The following NLRP14 variants were observed in gnomAD, a reference collection of about 807,000 sequenced individuals.
NLRP14 encodes the protein NLR family pyrin domain containing 14, also known as NACHT, LRR and PYD domains-containing protein 14.
A neutral mutation model predicts 94.7 loss-of-function variants in NLRP14; 105 were observed. The observed-to-expected ratio is 1.11, with a 90% confidence interval of 0.95 to 1.30. NLRP14 has a LOEUF of 1.30. Among genes scored for constraint, NLRP14 ranks in the 50% most tolerant of loss-of-function variants. NLRP14 has a pLI of 0.00. For missense variants in NLRP14, 1,362 were observed against 1,254.1 expected (o/e 1.09, Z -1.30); for synonymous variants, 508 against 459.9 (o/e 1.10, Z -1.34).
At chr11:7,028,707 C>G (rs1852049318) in intron 1 of NLRP14, among the ~76,000 whole-genome samples, 1 of 152,124 alleles carries the variant, frequency 6.6e-6, no homozygotes, top group African/African-American at 2.4e-5. Flanking sequence ...GCTGCCTTAT[C>G]CCATATTAGC....
intron 6 of NLRP14, among the ~76,000 whole-genome samples, chr11:7,055,687 A>G (rs1852506374): frequency 6.6e-6 from 1 of 152,100 alleles, no homozygotes; most frequent in Non-Finnish European, 1.5e-5. Flanking sequence ...TCCTACCCTG[A>G]CCAACTCTCA....
chr11:7,054,585 T>C (rs183333191), intron 6 of NLRP14, among the ~76,000 whole-genome samples: 187 of 152,218 alleles, frequency 1.2e-3, no homozygotes, highest in African/African-American at 4.1e-3. Context: ...GCATATGCCA[T>C]TTGTGTGTCT....
intron 1 of NLRP14, among the ~76,000 whole-genome samples, chr11:7,021,862 G>C (rs994333255): frequency 1.3e-5 from 2 of 151,334 alleles, no homozygotes; most frequent in African/African-American, 4.9e-5. Context: ...ACATTGACCG[G>C]TAAGAACGAA....
chr11:7,030,902 T>C (rs958878538), intron 1 of NLRP14, among the ~76,000 whole-genome samples: 4 of 152,152 alleles, frequency 2.6e-5, no homozygotes, highest in African/African-American at 9.7e-5. Context: ...GGGGATCCTA[T>C]ATTGAACACT....
At position 7,040,336 on chromosome 11, in the gene NLRP14, A is replaced by G. The variant is rs147766537; in HGVS notation, c.361+551A>G. Among the ~76,000 whole-genome samples the G allele has an allele frequency of 2.2e-4, 33 of 152,332 alleles. 1 individual carries two copies. Among genetic ancestry groups the G allele is most frequent in the Middle Eastern group, 3.4e-3 (1 of 294 alleles). On this transcript the variant is annotated intron_variant, in intron 3 of 11. Transcript: ENST00000299481. ...TACCACCTGAGCTTCGCCTCCTGTCAGATCAGCAGCTGCTTTAGTCTCATA... is the reference window on the plus strand; with the variant it reads ...TACCACCTGAGCTTCGCCTCCTGTCGGATCAGCAGCTGCTTTAGTCTCATA...
intron 1 of NLRP14, among the ~76,000 whole-genome samples, chr11:7,029,939 G>C (rs1046421584): frequency 6.6e-6 from 1 of 152,284 alleles, no homozygotes; most frequent in South Asian, 2.1e-4. Flanking sequence ...GTTGCCTAGA[G>C]TGTACATTTT....
intron 1 of NLRP14, among the ~76,000 whole-genome samples, chr11:7,029,793 T>C (rs1852066154): frequency 6.6e-6 from 1 of 152,224 alleles, no homozygotes; most frequent in African/African-American, 2.4e-5. Context: ...GTTTACCTTT[T>C]CTCTCACCCT....
chr11:7,089,306 C>T, the NLRP14 span: 1 of 1,606,394 alleles, frequency 6.2e-7, no homozygotes, highest in Non-Finnish European at 8.5e-7. Flanking sequence ...CCGCAGACGC[C>T]AAGGCCGCCG....
chr11:7,079,828 G>A, the NLRP14 span, among the ~76,000 whole-genome samples: 1 of 152,174 alleles, frequency 6.6e-6, no homozygotes, highest in Non-Finnish European at 1.5e-5. Context: ...TTCCCCCATT[G>A]GCTAGGGTTG....
rs368673189 is a variant in NLRP14, at chr11:7,043,935, G to C, written c.1909G>C (p.Val637Leu). The change falls in exon 4 of 12, where the codon GTG (valine) becomes CTG (leucine). Residue 637 changes from valine to leucine, a missense_variant. Transcript: ENST00000299481. ...GCGGACCATCAGGCTGTCTGTAACT[G>C]TGGTATTTGAGAAGAAGATATTAAA... Reference protein sequence around the residue: ...CLRTIRLSVTVVFEKKILKTS... With the variant: ...CLRTIRLSVTLVFEKKILKTS... The C allele has an allele frequency of 4.3e-6, 7 of 1,614,062 alleles. No homozygotes were observed. The highest frequency in any genetic ancestry group is 5.9e-6 in the Non-Finnish European group (7 of 1,180,018).
At chr11:7,033,443 G>A (rs1852123051) in intron 1 of NLRP14, among the ~76,000 whole-genome samples, 1 of 152,190 alleles carries the variant, frequency 6.6e-6, no homozygotes, top group African/African-American at 2.4e-5. Flanking sequence ...AGGCAATTAA[G>A]TTGCACTTAA....
At chr11:7,074,191 G>A (rs556336198), downstream of NLRP14, among the ~76,000 whole-genome samples, 3 of 152,346 alleles carry the variant, frequency 2.0e-5, no homozygotes, top group East Asian at 5.8e-4. Flanking sequence ...GAGGACTGGA[G>A]AATAGACCTT....
chr11:7,089,490 C>G, the NLRP14 span: 97 of 1,239,494 alleles, frequency 7.8e-5, 1 homozygote, highest in African/African-American at 1.5e-3. Context: ...TTCCCCATCC[C>G]GGGGCGGGCC....
rs771884260 is a variant in NLRP14, at chr11:7,042,549, C to T, written c.523C>T (p.Gln175Ter). 3.7e-6 allele frequency: 6 copies of T among 1,614,220 alleles called. No homozygotes were observed. The highest frequency in any genetic ancestry group is 4.5e-5 in the East Asian group (2 of 44,884). ...CGATGTGGATGTCAAAACCGGTGCA[C>T]AGCCACAGATCGTGGTGCTTCAGGG... is the stretch of plus-strand genomic sequence containing the variant. ...LFDVDVKTGA[Q>*]PQIVVLQGAA... Residue 175 changes from glutamine to a stop codon, truncating the protein, a stop_gained, in exon 4 of 12, where the codon CAG becomes TAG. Coordinates refer to ENST00000299481, the MANE Select transcript of NLRP14 (RefSeq NM_176822.4). LOFTEE classifies it high-confidence loss of function.
chr11:7,040,782 A>T (rs1852235725), intron 3 of NLRP14, among the ~76,000 whole-genome samples: 1 of 152,224 alleles, frequency 6.6e-6, no homozygotes, highest in Admixed American at 6.5e-5. Flanking sequence ...ATTACTTGTT[A>T]TCTTAAATGA....
rs369413951 is a variant in NLRP14, at chr11:7,058,405, T to C, written c.2588T>C (p.Met863Thr). The C allele has an allele frequency of 3.0e-5, 49 of 1,612,890 alleles. No individual in the cohort carries two copies. In the African/African-American group the frequency reaches 5.7e-4, roughly 19 times the overall value. The change falls in exon 8 of 12, where the codon ATG (methionine) becomes ACG (threonine). Residue 863 changes from methionine to threonine, a missense_variant. Coordinates refer to ENST00000299481, the MANE Select transcript of NLRP14 (RefSeq NM_176822.4). ...TTGGGTGATGGTGGAGTAAAGCTTATGAGTGATGCCCTGCAACATGCACAA... is the reference window on the plus strand; with the variant it reads ...TTGGGTGATGGTGGAGTAAAGCTTACGAGTGATGCCCTGCAACATGCACAA... ...NVLGDGGVKL[M>T]SDALQHAQCT... is the part of the protein sequence containing the mutation.
intron 5 of NLRP14, 82 bp from the exon 6 acceptor site, chr11:7,049,589 G>T: frequency 4.1e-6 from 4 of 968,116 alleles, no homozygotes; most frequent in South Asian, 2.6e-5. Flanking sequence ...TAATATCCAA[G>T]AATTAGATTG....
chr11:7,090,564 C>T, the NLRP14 span: 14 of 505,940 alleles, frequency 2.8e-5, no homozygotes, highest in Non-Finnish European at 4.7e-5. Flanking sequence ...CTTACATTTA[C>T]AAGTAGAAAT....
Position 7,068,478 on chromosome 11 carries a change from G to A in NLRP14, c.2976-1808G>A, listed in dbSNP as rs940461983. On this transcript the variant is annotated intron_variant, in intron 10 of 11. Transcript: ENST00000299481. ...CTAGAACTTTTTTCTTCAACTAATA[G>A]GTTATTTGTAAACATACTCCTTAAT... is the stretch of plus-strand genomic sequence containing the variant. Among the ~76,000 whole-genome samples the A allele has an allele frequency of 2.0e-5, 3 of 151,994 alleles. No homozygotes were observed. In the East Asian group the frequency reaches 5.8e-4, roughly 29 times the overall value.
Sources: allele counts gnomAD v4.1 joint callset (sites outside exome capture counted in the v4.1 genomes callset), GRCh38; gene constraint gnomAD v4.1.1; transcripts MANE v1.5; gene names NCBI Gene and HGNC (gene_info 2026-07-23, HGNC 2026-07-21).